Variants in ZNF385D observed in about 807,000 individuals in gnomAD.
ZNF385D encodes zinc finger protein 659.
Under a neutral mutation model 35.8 loss-of-function variants are expected in ZNF385D, and 15 were observed. The observed-to-expected ratio is 0.42, with a 90% CI of 0.28 to 0.64. ZNF385D has a LOEUF of 0.64. ZNF385D is among the 30% of genes least tolerant of loss of function. The pLI, the probability that ZNF385D is intolerant of heterozygous loss-of-function variation, is 0.23. For synonymous variants in ZNF385D, 212 were observed against 186.8 expected (o/e 1.13, Z -1.10); for missense variants, 474 against 494.6 (o/e 0.96, Z 0.39).
chr3:21,960,002 G>C (rs1268222781), intron 3 of ZNF385D, among the ~76,000 whole-genome samples: 3 of 125,606 alleles, frequency 2.4e-5, no homozygotes, highest in African/African-American at 9.1e-5. Flanking sequence ...TGATGGCTAA[G>C]ACTTCAAAAG....
intron 1 of ZNF385D, among the ~76,000 whole-genome samples, chr3:21,694,853 A>C (rs557911375): frequency 6.6e-6 from 1 of 152,314 alleles, no homozygotes; most frequent in Non-Finnish European, 1.5e-5. Flanking sequence ...AAAACAAACA[A>C]GCAAAAAGAA....
intron 3 of ZNF385D, among the ~76,000 whole-genome samples, chr3:21,921,096 G>A (rs1021091916): frequency 4.5e-4 from 68 of 151,710 alleles, no homozygotes; most frequent in African/African-American, 1.5e-3. Context: ...GATGGCGGGC[G>A]CCTGTAGTCC....
intron 2 of ZNF385D, among the ~76,000 whole-genome samples, chr3:22,313,987 T>G (rs1703741011): frequency 6.6e-6 from 1 of 152,174 alleles, no homozygotes; most frequent in Non-Finnish European, 1.5e-5. Context: ...CTGATCTGCA[T>G]TTGTTGCAGA....
At chr3:21,512,005 G>T in intron 3 of ZNF385D, among the ~76,000 whole-genome samples, 1 of 151,428 alleles carries the variant, frequency 6.6e-6, no homozygotes, top group African/African-American at 2.4e-5. Context: ...AAACTAGCTG[G>T]GTGTGGTGGC....
chr3:21,846,557 T>C (rs1338981998), intron 3 of ZNF385D, among the ~76,000 whole-genome samples: 1 of 151,994 alleles, frequency 6.6e-6, no homozygotes, highest in Non-Finnish European at 1.5e-5. Flanking sequence ...TCCAGGCATA[T>C]GAGAAATCAG....
At chr3:21,496,548 A>G (rs2125423233) in intron 4 of ZNF385D, among the ~76,000 whole-genome samples, 1 of 134,442 alleles carries the variant, frequency 7.4e-6, no homozygotes, top group South Asian at 2.3e-4. Context: ...TCATATATAT[A>G]TACACACATA....
intron 2 of ZNF385D, among the ~76,000 whole-genome samples, chr3:21,569,470 T>G (rs1359452281): frequency 2.6e-5 from 4 of 151,082 alleles, no homozygotes; most frequent in African/African-American, 9.8e-5. Flanking sequence ...GCATGTGAGA[T>G]GGGTTTCCTG....
chr3:22,119,932 T>G (rs899902142), intron 3 of ZNF385D, among the ~76,000 whole-genome samples: 5 of 151,968 alleles, frequency 3.3e-5, no homozygotes, highest in African/African-American at 1.2e-4. Flanking sequence ...TCCTCCTGCC[T>G]CAGCCTCCCA....
chr3:22,076,024 C>T (rs906008388), intron 3 of ZNF385D, among the ~76,000 whole-genome samples: 1 of 151,896 alleles, frequency 6.6e-6, no homozygotes, highest in Non-Finnish European at 1.5e-5. Context: ...ATATGAAATT[C>T]ATCCAGCTTT....
chr3:22,372,665 G>A, exon 2 of ZNF385D: 1 of 202,744 alleles, frequency 4.9e-6, no homozygotes, highest in Non-Finnish European at 8.8e-6. Context: ...CAAGGAGAAC[G>A]GTCTCCGTTG....
chr3:21,533,840 TG>T (rs1330048294), intron 3 of ZNF385D, among the ~76,000 whole-genome samples: 1 of 152,110 alleles, frequency 6.6e-6, no homozygotes, highest in African/African-American at 2.4e-5. Flanking sequence ...GAGACTATAT[TG>T]GCAGAGCCCA....
chr3:22,218,926 A>C (rs1280085627), intron 2 of ZNF385D, among the ~76,000 whole-genome samples: 1 of 152,114 alleles, frequency 6.6e-6, no homozygotes, highest in Non-Finnish European at 1.5e-5. Flanking sequence ...AGATCATTGC[A>C]TGTTAGACTG....
At chr3:21,757,234 C>G (rs536584520) in intron 3 of ZNF385D, among the ~76,000 whole-genome samples, 1 of 148,350 alleles carries the variant, frequency 6.7e-6, no homozygotes, top group African/African-American at 2.5e-5. Flanking sequence ...TGGGTTCAAG[C>G]GATTCTCGTG....
chr3:22,016,654 G>T (rs1312128489), intron 3 of ZNF385D, among the ~76,000 whole-genome samples: 3 of 151,916 alleles, frequency 2.0e-5, no homozygotes, highest in Admixed American at 6.6e-5. Flanking sequence ...AATTTTAGGG[G>T]CTTTCTTAGC....
intron 4 of ZNF385D, among the ~76,000 whole-genome samples, chr3:21,492,070 A>T (rs1049086292): frequency 6.6e-6 from 1 of 152,098 alleles, no homozygotes; most frequent in East Asian, 1.9e-4. Flanking sequence ...AAAAGCAAAT[A>T]CACTCACTGA....
At chr3:21,841,666 A>G (rs1426358354) in intron 3 of ZNF385D, among the ~76,000 whole-genome samples, 2 of 151,976 alleles carry the variant, frequency 1.3e-5, no homozygotes, top group African/African-American at 4.8e-5. Flanking sequence ...GTTCTTTGGA[A>G]TACTTAAGTT....
At chr3:21,556,184 C>T (rs1226306948) in intron 3 of ZNF385D, among the ~76,000 whole-genome samples, 1 of 147,788 alleles carries the variant, frequency 6.8e-6, no homozygotes, top group African/African-American at 2.5e-5. Flanking sequence ...CCTGTTCACT[C>T]TGATGATAGT....
intron 3 of ZNF385D, among the ~76,000 whole-genome samples, chr3:22,067,949 G>A (rs1700037681): frequency 1.3e-5 from 2 of 151,856 alleles, no homozygotes; most frequent in African/African-American, 4.8e-5. Flanking sequence ...GGAGGCAGAG[G>A]TTGCAGTGAG....
At chr3:21,890,811 G>A (rs1698814916) in intron 3 of ZNF385D, among the ~76,000 whole-genome samples, 1 of 152,210 alleles carries the variant, frequency 6.6e-6, no homozygotes, top group South Asian at 2.1e-4. Context: ...AGATAAATAA[G>A]GATTGACTTG....
Sources: gnomAD v4.1 joint callset for allele counts (sites outside exome capture counted in the v4.1 genomes callset) on GRCh38, gnomAD v4.1.1 for gene constraint, MANE v1.5 for transcripts, NCBI Gene and HGNC (gene_info 2026-07-23, HGNC 2026-07-21) for gene names.